The following HMGCLL1 variants were observed in gnomAD, a reference collection of about 807,000 sequenced individuals.
HMGCLL1 encodes the protein 3-hydroxy-3-methylglutaryl-CoA lyase like 1, also known as 3-hydroxymethyl-3-methylglutaryl-CoA lyase, cytoplasmic.
HMGCLL1 carries 36 observed loss-of-function variants against 39.1 expected under a neutral mutation model. That is an observed-to-expected ratio of 0.92 (90% confidence interval 0.71 to 1.22). HMGCLL1 has a LOEUF of 1.22. Among genes scored for constraint, HMGCLL1 ranks in the 50% most tolerant of loss-of-function variants. The pLI, the probability that HMGCLL1 is intolerant of heterozygous loss-of-function variation, is 0.00. For missense variants in HMGCLL1, 451 were observed against 416.5 expected, an observed-to-expected ratio of 1.08 and a Z score of -0.72; for synonymous variants, 149 against 144.0, an observed-to-expected ratio of 1.03 and a Z score of -0.25.
chr6:55,617,813 A>G, the HMGCLL1 span, among the ~76,000 whole-genome samples: 212 of 152,202 alleles, frequency 1.4e-3, 2 homozygotes, highest in African/African-American at 4.8e-3. Flanking sequence ...CATATGCCCA[A>G]GAATATATGT....
the HMGCLL1 span, among the ~76,000 whole-genome samples, chr6:55,621,981 G>C: frequency 1.3e-5 from 2 of 151,934 alleles, no homozygotes; most frequent in South Asian, 2.1e-4. Context: ...TCATTATAGA[G>C]AACTTTCTCT....
chr6:55,605,552 A>AT, the HMGCLL1 span, among the ~76,000 whole-genome samples: 6 of 152,104 alleles, frequency 3.9e-5, no homozygotes, highest in Non-Finnish European at 5.9e-5. Context: ...TGTGTCTGAT[A>AT]TTTTTTATTT....
intron 6 of HMGCLL1, 61 bp downstream of exon 6, chr6:55,499,175 C>T: frequency 6.2e-6 from 8 of 1,300,336 alleles, no homozygotes; most frequent in Non-Finnish European, 8.7e-6. Context: ...AAGAAAGCCC[C>T]CTTTTAAAAA....
the HMGCLL1 span, among the ~76,000 whole-genome samples, chr6:55,643,275 C>G: frequency 1.3e-5 from 2 of 152,086 alleles, no homozygotes; most frequent in South Asian, 4.2e-4. Flanking sequence ...GTAAGTGTCC[C>G]CTTTTCTCCG....
At chr6:55,649,864 C>T in the HMGCLL1 span, among the ~76,000 whole-genome samples, 3 of 151,244 alleles carry the variant, frequency 2.0e-5, no homozygotes, top group Non-Finnish European at 4.4e-5. Flanking sequence ...CAATTCTGCT[C>T]TTCAGAGATA....
the HMGCLL1 span, among the ~76,000 whole-genome samples, chr6:55,628,493 G>C: frequency 6.6e-6 from 1 of 151,322 alleles, no homozygotes; most frequent in African/African-American, 2.4e-5. Context: ...TAGTAGAGAT[G>C]GGGTTTTGCC....
chr6:55,552,846 A>T (rs1412305419), intron 1 of HMGCLL1, among the ~76,000 whole-genome samples: 1 of 151,924 alleles, frequency 6.6e-6, no homozygotes. Flanking sequence ...AAAAGTTTTA[A>T]AAATGATGGT....
chr6:55,559,306 C>T (rs1169217164), intron 1 of HMGCLL1, among the ~76,000 whole-genome samples: 1 of 152,134 alleles, frequency 6.6e-6, no homozygotes, highest in South Asian at 2.1e-4. Context: ...CTTAACATTT[C>T]CTTATAATCA....
intron 3 of HMGCLL1, among the ~76,000 whole-genome samples, chr6:55,522,758 A>G (rs1768102017): frequency 6.6e-6 from 1 of 152,006 alleles, no homozygotes; most frequent in African/African-American, 2.4e-5. Context: ...AGATTAGTCC[A>G]CTATAAGTTT....
At chr6:55,535,014 G>C (rs1768931745) in intron 3 of HMGCLL1, among the ~76,000 whole-genome samples, 2 of 152,318 alleles carry the variant, frequency 1.3e-5, no homozygotes, top group Middle Eastern at 6.8e-3. Flanking sequence ...GTGGCAAATA[G>C]TGTATGCTTG....
chr6:55,577,107 A>C (rs1771796731), intron 1 of HMGCLL1: 1 of 1,612,960 alleles, frequency 6.2e-7, no homozygotes, highest in African/African-American at 1.3e-5. Context: ...GTGCCTGCCA[A>C]GGAGACTGAG....
chr6:55,587,470 C>T, the HMGCLL1 span, among the ~76,000 whole-genome samples: 5 of 152,064 alleles, frequency 3.3e-5, no homozygotes, highest in South Asian at 4.2e-4. Context: ...TAAAGATCAT[C>T]GAGGCTAGGA....
intron 7 of HMGCLL1, among the ~76,000 whole-genome samples, chr6:55,447,175 C>T (rs1763890490): frequency 6.6e-6 from 1 of 151,904 alleles, no homozygotes; most frequent in African/African-American, 2.4e-5. Context: ...CAGATGTTTG[C>T]TTCTCAACCA....
intron 7 of HMGCLL1, among the ~76,000 whole-genome samples, chr6:55,441,959 C>G (rs796566070): frequency 6.6e-6 from 1 of 151,912 alleles, no homozygotes; most frequent in Non-Finnish European, 1.5e-5. Flanking sequence ...CCAAAGTGCT[C>G]GTCATGTATT....
At chr6:55,481,647 G>A (rs1765749970) in intron 7 of HMGCLL1, among the ~76,000 whole-genome samples, 1 of 144,650 alleles carries the variant, frequency 6.9e-6, no homozygotes, top group South Asian at 2.3e-4. Flanking sequence ...ATTTCAAGGG[G>A]CTACTTGCAA....
intron 1 of HMGCLL1, chr6:55,563,987 G>T: frequency 3.0e-6 from 2 of 676,040 alleles, no homozygotes; most frequent in Non-Finnish European, 4.7e-6. Context: ...CATTCAGCAC[G>T]TGCAGTTTTT....
chr6:55,514,940 T>C (rs987042678), intron 4 of HMGCLL1, among the ~76,000 whole-genome samples: 1 of 152,116 alleles, frequency 6.6e-6, no homozygotes, highest in Non-Finnish European at 1.5e-5. Flanking sequence ...CGTTCTCCCC[T>C]CTTGCTAATC....
the HMGCLL1 span, among the ~76,000 whole-genome samples, chr6:55,678,212 G>A: frequency 3.3e-5 from 5 of 152,082 alleles, no homozygotes; most frequent in African/African-American, 1.2e-4. Flanking sequence ...AAAATGCTTG[G>A]CACTTCCAAT....
the HMGCLL1 span, among the ~76,000 whole-genome samples, chr6:55,594,045 T>A: frequency 6.6e-6 from 1 of 152,194 alleles, no homozygotes; most frequent in African/African-American, 2.4e-5. Context: ...ATTAGATGGA[T>A]CAAATTAGAA....
Sources: gnomAD v4.1 joint callset for allele counts (sites outside exome capture counted in the v4.1 genomes callset) on GRCh38, gnomAD v4.1.1 for gene constraint, MANE v1.5 for transcripts, NCBI Gene and HGNC (gene_info 2026-07-23, HGNC 2026-07-21) for gene names.